ZNF536: variants seen among roughly 807,000 people sequenced by gnomAD.
ZNF536 encodes the protein zinc finger protein 536.
Under a neutral mutation model 84.5 loss-of-function variants are expected in ZNF536, and 13 were observed. The ratio of observed to expected loss-of-function variants is 0.15; its 90% confidence interval spans 0.10 to 0.24. ZNF536 has a LOEUF of 0.24. Ranked by LOEUF, ZNF536 falls within the 10% of genes least tolerant of loss-of-function variation. The pLI is 1.00. For synonymous variants in ZNF536, 811 were observed against 742.5 expected, an observed-to-expected ratio of 1.09 and a Z score of -1.50; for missense variants, 1,536 against 1,747.5, an observed-to-expected ratio of 0.88 and a Z score of 2.16.
At chr19:30,434,354 C>T (rs1417942213) in intron 1 of ZNF536, among the ~76,000 whole-genome samples, 1 of 152,208 alleles carries the variant, frequency 6.6e-6, no homozygotes, top group Admixed American at 6.5e-5. Flanking sequence ...ATTTCACTGC[C>T]TGGCCTGTGT....
At chr19:30,623,418 G>T (rs187650166) in intron 1 of ZNF536, among the ~76,000 whole-genome samples, 69 of 152,322 alleles carry the variant, frequency 4.5e-4, no homozygotes, top group Admixed American at 1.7e-3. Context: ...TAGAGCCAAG[G>T]CAGTGGCCAG....
intron 1 of ZNF536, among the ~76,000 whole-genome samples, chr19:30,660,354 C>G (rs944016629): frequency 2.6e-5 from 4 of 152,142 alleles, no homozygotes; most frequent in African/African-American, 9.7e-5. Context: ...CACAAAGAAG[C>G]CATCTCTGAT....
At chr19:30,332,887 C>G (rs773287188) in intron 2 of ZNF536, among the ~76,000 whole-genome samples, 14 of 152,164 alleles carry the variant, frequency 9.2e-5, no homozygotes, top group Non-Finnish European at 1.5e-4. Flanking sequence ...TCTAGACCAG[C>G]TTGGGCAATA....
Position 30,526,447 on chromosome 19 carries a change from G to A in ZNF536, c.2171-8400G>A, listed in dbSNP as rs548547668. On this transcript the variant is annotated intron_variant, in intron 2 of 4. Transcript: ENST00000355537. The stretch of plus-strand genomic sequence containing the variant: ...ACAATTAAGAACAGGTTCAGGGGCC[G>A]GGCGCGGTGGCTCACGCCTGTAATC... Among the ~76,000 whole-genome samples the A allele has an allele frequency of 2.1e-4, 32 of 150,112 alleles. 2 individuals carry two copies. The East Asian group carries it at 5.2e-3, about 25-fold the overall frequency.
chr19:30,671,978 G>A lies in ZNF536; in HGVS notation c.170-38779G>A, dbSNP rs114588341. 3.9e-3 allele frequency among the ~76,000 whole-genome samples: 588 copies of A among 152,292 alleles called. 4 individuals carry two copies. Among genetic ancestry groups the A allele is most frequent in the African/African-American group, 0.014 (565 of 41,562 alleles). On this transcript the variant is annotated intron_variant, in intron 1 of 1. Transcript: ENST00000592773. ...AGTTCTTTTCTCAGTAGGACTTTAC[G>A]GAGCGTGGTCACCGCCCTGGGACCC...
intron 2 of ZNF536, among the ~76,000 whole-genome samples, chr19:30,463,630 A>G (rs923225228): frequency 3.9e-5 from 6 of 152,200 alleles, no homozygotes; most frequent in African/African-American, 1.4e-4. Context: ...GTCAACTTAT[A>G]CAGAATGAAA....
At chr19:30,649,001 A>G (rs1396927915) in intron 1 of ZNF536, among the ~76,000 whole-genome samples, 2 of 152,166 alleles carry the variant, frequency 1.3e-5, no homozygotes, top group African/African-American at 2.4e-5. Flanking sequence ...AAGAGTCTAT[A>G]GTCTCTTCAC....
At chr19:30,684,605 C>G (rs145414770) in intron 1 of ZNF536, among the ~76,000 whole-genome samples, 1 of 152,116 alleles carries the variant, frequency 6.6e-6, no homozygotes, top group East Asian at 1.9e-4. Context: ...CCATGTGCAC[C>G]GATTTGATTC....
intron 2 of ZNF536, among the ~76,000 whole-genome samples, chr19:30,472,062 G>A (rs1034278789): frequency 6.6e-6 from 1 of 152,180 alleles, no homozygotes; most frequent in Non-Finnish European, 1.5e-5. Context: ...AGGGCATCGC[G>A]CTACCTGGTC....
At chr19:30,431,849 C>T (rs1477054894) in intron 1 of ZNF536, among the ~76,000 whole-genome samples, 2 of 152,162 alleles carry the variant, frequency 1.3e-5, no homozygotes, top group Non-Finnish European at 2.9e-5. Context: ...GATTAAATGT[C>T]TAACTTCCTG....
chr19:30,681,115 G>A (rs997233175), intron 1 of ZNF536, among the ~76,000 whole-genome samples: 2 of 152,076 alleles, frequency 1.3e-5, no homozygotes, highest in African/African-American at 4.8e-5. Context: ...CCGACTTTCC[G>A]AACCCCAGGG....
At chr19:30,612,060 C>T (rs2048123569) in intron 1 of ZNF536, among the ~76,000 whole-genome samples, 1 of 152,120 alleles carries the variant, frequency 6.6e-6, no homozygotes, top group Admixed American at 6.5e-5. Flanking sequence ...CTTGTGTCCT[C>T]TGTGATTTCT....
intron 1 of ZNF536, among the ~76,000 whole-genome samples, chr19:30,672,119 G>C (rs1383108197): frequency 6.6e-6 from 1 of 152,234 alleles, no homozygotes; most frequent in Non-Finnish European, 1.5e-5. Context: ...TTCAAAACAA[G>C]ATAGATTACT....
At chr19:30,274,217 C>T (rs2026005376) in intron 1 of ZNF536, among the ~76,000 whole-genome samples, 1 of 152,190 alleles carries the variant, frequency 6.6e-6, no homozygotes, top group African/African-American at 2.4e-5. Context: ...TCTCTAAAAA[C>T]CTGCTTTGGA....
At chr19:30,699,674 A>G (rs2051814591) in intron 1 of ZNF536, among the ~76,000 whole-genome samples, 1 of 152,160 alleles carries the variant, frequency 6.6e-6, no homozygotes, top group African/African-American at 2.4e-5. Context: ...TTCTTTATGT[A>G]TATTTTTACC....
intron 1 of ZNF536, among the ~76,000 whole-genome samples, chr19:30,383,788 CT>C (rs2049162337): frequency 2.2e-5 from 3 of 138,992 alleles, no homozygotes; most frequent in Non-Finnish European, 4.7e-5. Context: ...TTCTTTCTTT[CT>C]TTTCTTTCTT....
chr19:30,431,437 A>G (rs755897919), intron 1 of ZNF536, among the ~76,000 whole-genome samples: 1 of 152,092 alleles, frequency 6.6e-6, no homozygotes, highest in Admixed American at 6.5e-5. Context: ...CTTAGTAATG[A>G]TCGTGCTTAC....
intron 1 of ZNF536, among the ~76,000 whole-genome samples, chr19:30,407,373 T>A (rs12609725): frequency 6.6e-6 from 1 of 152,196 alleles, no homozygotes; most frequent in Non-Finnish European, 1.5e-5. Flanking sequence ...GTCATCAACA[T>A]AGAAGAAGAC....
chr19:30,508,439 G>A (rs2055262279), intron 2 of ZNF536, among the ~76,000 whole-genome samples: 1 of 152,198 alleles, frequency 6.6e-6, no homozygotes, highest in Non-Finnish European at 1.5e-5. Context: ...ACTGGGACCA[G>A]GTCAGAAAAG....
Sources: allele counts gnomAD v4.1 joint callset (sites outside exome capture counted in the v4.1 genomes callset), GRCh38; gene constraint gnomAD v4.1.1; transcripts MANE v1.5; gene names NCBI Gene and HGNC (gene_info 2026-07-23, HGNC 2026-07-21).